The following ARID1B variants were observed in gnomAD, a reference collection of about 807,000 sequenced individuals.
ARID1B encodes the protein AT-rich interaction domain 1B, also known as AT-rich interactive domain-containing protein 1B.
In ARID1B, 30 loss-of-function variants were observed where a neutral mutation model predicts 212.3. The ratio of observed to expected loss-of-function variants is 0.14; its 90% confidence interval spans 0.11 to 0.19. The LOEUF (loss-of-function observed/expected upper bound fraction) is 0.19, where lower values mean the gene tolerates loss of function less well. Ranked by LOEUF, ARID1B falls within the 10% of genes least tolerant of loss-of-function variation. The pLI is 1.00. For synonymous variants in ARID1B, 1,402 were observed against 1,301.7 expected (o/e 1.08, Z -1.66); for missense variants, 2,891 against 3,204.0 (o/e 0.90, Z 2.36).
intron 3 of ARID1B, among the ~76,000 whole-genome samples, chr6:156,925,463 G>GT (rs1373645204): frequency 2.0e-5 from 3 of 152,082 alleles, no homozygotes; most frequent in Admixed American, 2.0e-4. Context: ...AGCTATGATT[G>GT]TGCCACTGCA....
chr6:157,115,001 T>A (rs1229620706), intron 6 of ARID1B, among the ~76,000 whole-genome samples: 2 of 152,192 alleles, frequency 1.3e-5, no homozygotes, highest in African/African-American at 4.8e-5. Context: ...TAATAAACCA[T>A]GTACCCTGTG....
At chr6:157,096,790 C>T (rs1418423512) in intron 5 of ARID1B, among the ~76,000 whole-genome samples, 1 of 152,224 alleles carries the variant, frequency 6.6e-6, no homozygotes, top group African/African-American at 2.4e-5. Context: ...ACCTCACAAG[C>T]CCAGCACTGT....
At chr6:156,974,714 CTGTT>C (rs1239948986) in intron 4 of ARID1B, among the ~76,000 whole-genome samples, 1 of 152,144 alleles carries the variant, frequency 6.6e-6, no homozygotes, top group Non-Finnish European at 1.5e-5. Context: ...AATTTATTAG[CTGTT>C]TGTTAAATTG....
chr6:157,196,037 C>T (rs562107088), intron 15 of ARID1B, 128 bp from the exon 16 acceptor site: 22 of 1,201,786 alleles, frequency 1.8e-5, no homozygotes, highest in African/African-American at 1.2e-4. Context: ...TTAGCCTGGG[C>T]GACAGAGTGA....
intron 5 of ARID1B, among the ~76,000 whole-genome samples, chr6:157,097,738 G>A (rs938592141): frequency 6.6e-6 from 1 of 152,232 alleles, no homozygotes; most frequent in South Asian, 2.1e-4. Flanking sequence ...AAAGGGAGCA[G>A]GCAGGCGCCT....
chr6:157,204,090 C>T (rs1038987867), intron 19 of ARID1B, 94 bp downstream of exon 19: 8 of 1,490,690 alleles, frequency 5.4e-6, no homozygotes, highest in South Asian at 1.2e-5. Context: ...AGTTGATGAG[C>T]ACTGACCGTC....
intron 5 of ARID1B, among the ~76,000 whole-genome samples, chr6:157,093,706 T>A (rs894586365): frequency 1.3e-5 from 2 of 152,152 alleles, no homozygotes; most frequent in African/African-American, 2.4e-5. Flanking sequence ...ATGCCAAGAG[T>A]GTGACCTTGC....
chr6:156,789,316 C>A (rs1413248813), intron 1 of ARID1B, among the ~76,000 whole-genome samples: 1 of 152,150 alleles, frequency 6.6e-6, no homozygotes, highest in Non-Finnish European at 1.5e-5. Flanking sequence ...GGATTTAATA[C>A]TCAGTTCATT....
chr6:156,778,511 G>A lies in ARID1B; in HGVS notation c.831G>A (p.Glu277=), dbSNP rs2114976794. 1 of 1,239,602 alleles carries A rather than the reference G, an allele frequency of 8.1e-7. No individual in the cohort carries two copies. Among genetic ancestry groups the A allele is most frequent in the Non-Finnish European group, 1.0e-6 (1 of 995,094 alleles). 76.8% of individuals were successfully genotyped at this position (1,239,602 alleles called of 1,614,324 possible). A position where few individuals can be genotyped will look rare whatever the true frequency, so the allele number is the denominator to read the frequency against. ...ACGACGCGCCGCCCAAGATGGGGGA[G>A]CCGGCGGGCGGCCGCTACGAGCACC... is the stretch of plus-strand genomic sequence containing the variant. ...DEDDAPPKMG[E]PAGGRYEHPG... is the part of the protein sequence containing the mutation. The change falls in exon 1 of 20, where the codon GAG becomes GAA. Residue 277 remains glutamate, a synonymous_variant. Coordinates refer to ENST00000636930, the MANE Select transcript of ARID1B (RefSeq NM_001374828.1).
chr6:156,875,142 C>A (rs1786443036), intron 2 of ARID1B, among the ~76,000 whole-genome samples: 1 of 152,188 alleles, frequency 6.6e-6, no homozygotes, highest in South Asian at 2.1e-4. Flanking sequence ...AGGCTGATGG[C>A]CATTCATTTA....
chr6:156,778,307 G>GCAGCAGCAA lies in ARID1B; in HGVS notation c.633_641dup (p.Gln212_Gln214dup), dbSNP rs1554247400. The GCAGCAGCAA allele has an allele frequency of 2.3e-5, 36 of 1,545,168 alleles. No individual in the cohort carries two copies. The highest frequency in any genetic ancestry group is 2.8e-5 in the Non-Finnish European group (32 of 1,146,702). ...AGCAGCAGCAACAGCAGCAGCAGCA[G>GCAGCAGCAA]CAGCAGCAACAGCAACATCCCATTT... On this transcript the variant is annotated inframe_insertion, in exon 1 of 20. Coordinates refer to ENST00000636930, the MANE Select transcript of ARID1B (RefSeq NM_001374828.1).
At chr6:156,783,519 A>T (rs549683566) in intron 1 of ARID1B, among the ~76,000 whole-genome samples, 1 of 152,130 alleles carries the variant, frequency 6.6e-6, no homozygotes, top group African/African-American at 2.4e-5. Flanking sequence ...TTATTTCTTT[A>T]TGATTCTGGG....
chr6:156,813,001 TACATATATATAC>T (rs1226776238), intron 1 of ARID1B, among the ~76,000 whole-genome samples: 3 of 148,600 alleles, frequency 2.0e-5, no homozygotes, highest in Non-Finnish European at 3.0e-5. Flanking sequence ...CGTATGTATA[TACATATATATAC>T]ACATACGTAT....
At chr6:156,973,536 T>C (rs1398370292) in intron 4 of ARID1B, among the ~76,000 whole-genome samples, 2 of 152,202 alleles carry the variant, frequency 1.3e-5, no homozygotes, top group South Asian at 2.1e-4. Context: ...ATGAAAAACA[T>C]TTTTGGTTAT....
intron 2 of ARID1B, among the ~76,000 whole-genome samples, chr6:156,869,254 G>A (rs1785935546): frequency 6.6e-6 from 1 of 152,148 alleles, no homozygotes; most frequent in African/African-American, 2.4e-5. Flanking sequence ...CACTTCTTTC[G>A]AAGACGAGAT....
At position 156,777,984 on chromosome 6, in the gene ARID1B, G is replaced by C. The variant is rs1465331796; in HGVS notation, c.304G>C (p.Gly102Arg). ...CGCCGGCACCCACAGCGCCAAGAGCGGCGGCTCCGAGGCGGCTCTCAAGGA... is the reference window on the plus strand; with the variant it reads ...CGCCGGCACCCACAGCGCCAAGAGCCGCGGCTCCGAGGCGGCTCTCAAGGA... ...AAAGTHSAKS[G>R]GSEAALKEGG... is the part of the protein sequence containing the mutation. The change falls in exon 1 of 20, where the codon GGC (glycine) becomes CGC (arginine). Residue 102 changes from glycine (G) to arginine (R), a missense_variant. Gly to Arg is a moderately radical substitution (Grantham distance 125, BLOSUM62 -2). This residue lies in a region of ARID1B where 1,643 missense variants were observed against 1,544.0 expected (regional missense o/e 1.06). Coordinates refer to ENST00000636930, the MANE Select transcript of ARID1B (RefSeq NM_001374828.1). 2 of 1,531,062 alleles carry C rather than the reference G, an allele frequency of 1.3e-6. No homozygotes were observed. The highest frequency in any genetic ancestry group is 1.2e-5 in the South Asian group (1 of 83,704). The allele number at this position is 1,531,062 out of a possible 1,614,324, so 94.8% of individuals were successfully genotyped here. A position where few individuals can be genotyped will look rare whatever the true frequency, so the allele number is the denominator to read the frequency against.
chr6:156,980,585 G>C (rs577742438), intron 4 of ARID1B, among the ~76,000 whole-genome samples: 26 of 152,354 alleles, frequency 1.7e-4, no homozygotes, highest in African/African-American at 5.3e-4. Context: ...ACCACGCAGT[G>C]CTTTTCCCGT....
chr6:156,880,008 C>T, intron 2 of ARID1B, among the ~76,000 whole-genome samples: 1 of 152,210 alleles, frequency 6.6e-6, no homozygotes, highest in East Asian at 1.9e-4. Context: ...TTTCCAAAGG[C>T]TGTTCCAGTA....
intron 16 of ARID1B, among the ~76,000 whole-genome samples, chr6:157,197,723 G>C (rs143482913): frequency 0.014 from 2,173 of 152,146 alleles, 58 homozygotes; most frequent in African/African-American, 0.049. Flanking sequence ...TGTTTTTTTG[G>C]GGGGGGTAGC....
Sources: gnomAD v4.1 joint callset for allele counts (sites outside exome capture counted in the v4.1 genomes callset) on GRCh38, gnomAD v4.1.1 for gene constraint, gnomAD v4.1.1 regional missense constraint, MANE v1.5 for transcripts, NCBI Gene and HGNC (gene_info 2026-07-23, HGNC 2026-07-21) for gene names.